The following GAS2 variants were observed in gnomAD, a reference collection of about 807,000 sequenced individuals.
GAS2 encodes the protein growth arrest-specific protein 2.
Under a neutral mutation model 37.5 loss-of-function variants are expected in GAS2, and 20 were observed. The observed-to-expected ratio is 0.53, with a 90% confidence interval of 0.37 to 0.77. The LOEUF is 0.77. Ranked by LOEUF, GAS2 falls within the 30% of genes least tolerant of loss-of-function variation. The pLI is 0.00. For synonymous variants in GAS2, 144 were observed against 132.2 expected (o/e 1.09, Z -0.61); for missense variants, 336 against 373.4 (o/e 0.90, Z 0.82).
At chr11:22,743,675 T>A (rs192844530) in intron 5 of GAS2, among the ~76,000 whole-genome samples, 2 of 152,174 alleles carry the variant, frequency 1.3e-5, no homozygotes, top group Non-Finnish European at 2.9e-5. Flanking sequence ...ACTTTTCTGA[T>A]GGAAAATAGA....
chr11:22,652,193 G>T (rs996558767), intron 1 of GAS2, among the ~76,000 whole-genome samples: 1 of 152,200 alleles, frequency 6.6e-6, no homozygotes, highest in Non-Finnish European at 1.5e-5. Flanking sequence ...TGAGGTGTCA[G>T]TGTGCCCCTG....
At chr11:22,627,263 T>C (rs528063234) in intron 1 of GAS2, among the ~76,000 whole-genome samples, 1 of 152,378 alleles carries the variant, frequency 6.6e-6, no homozygotes, top group South Asian at 2.1e-4. Flanking sequence ...CTAATTCATT[T>C]ATTTATTCTT....
chr11:22,685,758 A>G lies in GAS2; in HGVS notation c.236A>G (p.Lys79Arg), dbSNP rs1271125315. ...QLAETMQEKF[K>R]ESMDANKPTK... ...GCAGAAACTATGCAGGAGAAATTCA[A>G]GGAGAGCATGGATGCTAACAAGCCC... Residue 79 changes from lysine (K) to arginine (R), a missense_variant, in exon 3 of 8, where the codon AAG becomes AGG. Physicochemically the swap from Lys to Arg is conservative, Grantham distance 26. Transcript: ENST00000454584. 6.2e-7 allele frequency: 1 copy of G among 1,613,740 alleles called. No individual in the cohort carries two copies. The highest frequency in any genetic ancestry group is 1.3e-5 in the African/African-American group (1 of 74,918).
At chr11:22,678,018 A>G (rs1219254323) in intron 2 of GAS2, among the ~76,000 whole-genome samples, 1 of 152,186 alleles carries the variant, frequency 6.6e-6, no homozygotes. Flanking sequence ...TAGTTATAAC[A>G]CAAATGCAAT....
In GAS2 at chr11:22,715,236, C is replaced by T. The variant is rs1021803387; in HGVS notation, c.268-11056C>T. Among the ~76,000 whole-genome samples the T allele has an allele frequency of 8.6e-5, 13 of 151,750 alleles. No individual in the cohort carries two copies. In the South Asian group the frequency reaches 1.0e-3, roughly 12 times the overall value. ...CAGCACTTTGGGAGGCCAAGGCAGG[C>T]GGATCACCAGGTGAGGAGTTCAAGA... On this transcript the variant is annotated intron_variant, in intron 3 of 7. Transcript: ENST00000454584.
At chr11:22,715,479 A>AAAAAAAG (rs1554973679) in intron 3 of GAS2, among the ~76,000 whole-genome samples, 31 of 145,866 alleles carry the variant, frequency 2.1e-4, no homozygotes, top group African/African-American at 4.5e-4. Flanking sequence ...AAAAAAAAAA[A>AAAAAAAG]AAAAGAAAAG....
chr11:22,648,936 A>G (rs1848737887), intron 1 of GAS2, among the ~76,000 whole-genome samples: 1 of 151,966 alleles, frequency 6.6e-6, no homozygotes, highest in Admixed American at 6.5e-5. Flanking sequence ...TGCCCTGGCC[A>G]GAACTTCCAA....
chr11:22,789,454 A>ATT (rs1564889929), intron 7 of GAS2, among the ~76,000 whole-genome samples: 15 of 61,188 alleles, frequency 2.5e-4, no homozygotes, highest in Non-Finnish European at 4.0e-4. Context: ...ATATATATAT[A>ATT]TTCTTTTTTT....
chr11:22,780,045 G>A (rs1031496916), intron 7 of GAS2, among the ~76,000 whole-genome samples: 1 of 152,182 alleles, frequency 6.6e-6, no homozygotes, highest in African/African-American at 2.4e-5. Flanking sequence ...CCAGTGTGGT[G>A]TACTCTCTAG....
At chr11:22,784,096 C>A in intron 7 of GAS2, among the ~76,000 whole-genome samples, 1 of 151,972 alleles carries the variant, frequency 6.6e-6, no homozygotes, top group Non-Finnish European at 1.5e-5. Context: ...TGGCATTGTT[C>A]TTTTTGCTTA....
intron 7 of GAS2, among the ~76,000 whole-genome samples, chr11:22,791,035 T>A (rs1856133063): frequency 1.3e-5 from 2 of 152,108 alleles, no homozygotes; most frequent in African/African-American, 4.8e-5. Context: ...CAAAAATAGC[T>A]GCTATCAGAG....
Position 22,756,296 on chromosome 11 carries a change from T to A in GAS2, c.723+343T>A, listed in dbSNP as rs563139717. ...TTACTAAGACCAATAATTCTTTTTTTAAAAAAAAGAAAAGAAAAGAAAATG... is the reference window on the plus strand; with the variant it reads ...TTACTAAGACCAATAATTCTTTTTTAAAAAAAAAGAAAAGAAAAGAAAATG... On this transcript the variant is annotated intron_variant, in intron 7 of 7. Transcript: ENST00000454584. Among the ~76,000 whole-genome samples, 24 of 151,906 alleles carry A rather than the reference T, an allele frequency of 1.6e-4. No individual in the cohort carries two copies. The South Asian group carries it at 2.7e-3, about 17-fold the overall frequency.
intron 5 of GAS2, among the ~76,000 whole-genome samples, chr11:22,741,320 A>G (rs1162437206): frequency 3.1e-4 from 1 of 3,226 alleles, no homozygotes; most frequent in Non-Finnish European, 0.021. Flanking sequence ...TGTGAAAAGT[A>G]AAACTGTGTA....
At chr11:22,680,462 G>C (rs1478483935) in intron 2 of GAS2, among the ~76,000 whole-genome samples, 2 of 152,126 alleles carry the variant, frequency 1.3e-5, no homozygotes, top group African/African-American at 4.8e-5. Context: ...TTTGGTTAAA[G>C]AGAGCATATG....
chr11:22,629,154 T>A (rs1019604100), intron 1 of GAS2, among the ~76,000 whole-genome samples: 82 of 152,324 alleles, frequency 5.4e-4, no homozygotes, highest in African/African-American at 1.8e-3. Flanking sequence ...GTCTTTCTGA[T>A]ATAATGACTT....
chr11:22,776,810 G>A (rs1338520357), intron 7 of GAS2, among the ~76,000 whole-genome samples: 1 of 152,094 alleles, frequency 6.6e-6, no homozygotes, highest in African/African-American at 2.4e-5. Context: ...TTTATTAAAT[G>A]ATGAGATTCA....
At chr11:22,700,136 C>T (rs929622275) in intron 3 of GAS2, among the ~76,000 whole-genome samples, 4 of 152,094 alleles carry the variant, frequency 2.6e-5, no homozygotes, top group African/African-American at 4.8e-5. Context: ...TAGTCTTTAT[C>T]CCTTTGCTAG....
intron 7 of GAS2, among the ~76,000 whole-genome samples, chr11:22,780,907 G>T (rs1291284523): frequency 6.6e-6 from 1 of 152,164 alleles, no homozygotes; most frequent in Non-Finnish European, 1.5e-5. Context: ...AGCCTTCTAT[G>T]TCTGTAAATT....
chr11:22,788,209 G>A (rs543721522), intron 7 of GAS2, among the ~76,000 whole-genome samples: 8 of 152,286 alleles, frequency 5.3e-5, no homozygotes, highest in Non-Finnish European at 1.0e-4. Flanking sequence ...GACACCAAAA[G>A]GAGAGGCCAA....
Sources: gnomAD v4.1 joint callset for allele counts (sites outside exome capture counted in the v4.1 genomes callset) on GRCh38, gnomAD v4.1.1 for gene constraint, MANE v1.5 for transcripts, NCBI Gene and HGNC (gene_info 2026-07-23, HGNC 2026-07-21) for gene names.